The following PDZRN3 variants were observed in gnomAD, a reference collection of about 807,000 sequenced individuals.
PDZRN3 encodes the protein E3 ubiquitin-protein ligase PDZRN3.
Under a neutral mutation model 85.7 loss-of-function variants are expected in PDZRN3, and 38 were observed. The observed-to-expected ratio is 0.44, with a 90% CI of 0.34 to 0.58. The LOEUF (loss-of-function observed/expected upper bound fraction) is 0.58. Ranked by LOEUF, PDZRN3 falls within the 20% of genes least tolerant of loss-of-function variation. The probability of loss-of-function intolerance (pLI) is 0.01; values close to 1 mark genes in which losing one functional copy is unlikely to be tolerated. For synonymous variants in PDZRN3, 759 were observed against 638.0 expected, an observed-to-expected ratio of 1.19 and a Z score of -2.86; for missense variants, 1,629 against 1,506.4, an observed-to-expected ratio of 1.08 and a Z score of -1.35.
intron 3 of PDZRN3, among the ~76,000 whole-genome samples, chr3:73,452,858 TG>T (rs1267971103): frequency 1.6e-4 from 25 of 151,868 alleles, no homozygotes; most frequent in Middle Eastern, 6.8e-3. Flanking sequence ...TGTGTGTGTG[TG>T]TGTGTGTGTG....
chr3:73,576,810 A>G (rs1249380285), intron 3 of PDZRN3, among the ~76,000 whole-genome samples: 1 of 152,184 alleles, frequency 6.6e-6, no homozygotes, highest in African/African-American at 2.4e-5. Flanking sequence ...ATACATTTAG[A>G]GTTATAGACA....
intron 3 of PDZRN3, among the ~76,000 whole-genome samples, chr3:73,555,360 C>G (rs1701670348): frequency 6.6e-6 from 1 of 152,128 alleles, no homozygotes; most frequent in Non-Finnish European, 1.5e-5. Flanking sequence ...AATAAAACAG[C>G]TGCAATGATT....
chr3:73,540,058 G>A (rs1261492768), intron 3 of PDZRN3, among the ~76,000 whole-genome samples: 1 of 119,776 alleles, frequency 8.3e-6, no homozygotes, highest in African/African-American at 3.1e-5. Context: ...AGATAAAAGT[G>A]AGGACAGATG....
chr3:73,387,450 G>C (rs955135325), intron 8 of PDZRN3, among the ~76,000 whole-genome samples: 3 of 152,180 alleles, frequency 2.0e-5, no homozygotes, highest in African/African-American at 4.8e-5. Flanking sequence ...GGTAACTTTT[G>C]AATCTCTGGG....
intron 3 of PDZRN3, among the ~76,000 whole-genome samples, chr3:73,532,751 T>C (rs527380163): frequency 6.6e-6 from 1 of 152,286 alleles, no homozygotes; most frequent in East Asian, 1.9e-4. Context: ...CCTGGGAGAA[T>C]AAGTGAAGAG....
intron 1 of PDZRN3, 103 bp downstream of exon 1, chr3:73,624,000 G>T: frequency 8.7e-7 from 1 of 1,153,778 alleles, no homozygotes; most frequent in Non-Finnish European, 1.1e-6. Context: ...AAGCAAGGAT[G>T]TTCCCGGGAA....
chr3:73,453,901 G>A (rs1037421374), intron 3 of PDZRN3, among the ~76,000 whole-genome samples: 3 of 152,152 alleles, frequency 2.0e-5, no homozygotes, highest in African/African-American at 7.2e-5. Flanking sequence ...ACAGGTCATT[G>A]CAGAGGGGTC....
intron 3 of PDZRN3, among the ~76,000 whole-genome samples, chr3:73,600,337 A>ACACACACTCTCTCTCTCTCTCTCT (rs34405662): frequency 5.0e-5 from 5 of 100,074 alleles, no homozygotes; most frequent in African/African-American, 1.7e-4. Flanking sequence ...ACACACACAC[A>ACACACACTCTCTCTCTCTCTCTCT]CTCTCTCTCT....
At chr3:73,388,404 A>G (rs1388530876) in intron 7 of PDZRN3, among the ~76,000 whole-genome samples, 2 of 152,228 alleles carry the variant, frequency 1.3e-5, no homozygotes, top group Non-Finnish European at 2.9e-5. Context: ...GCAATTAGAC[A>G]TAATATTCAG....
In PDZRN3 at chr3:73,577,569, T is replaced by C. The variant is rs544340221; in HGVS notation, c.918+24785A>G. On this transcript the variant is annotated intron_variant, in intron 3 of 9. Coordinates refer to ENST00000263666, the MANE Select transcript of PDZRN3 (RefSeq NM_015009.3). The stretch of plus-strand genomic sequence containing the variant: ...CTGGCTTCTAGCTGGGACCAGTCAA[T>C]GGGGCACAGCAGAGGAAAACCAAGG... Among the ~76,000 whole-genome samples, 5 of 152,230 alleles carry C rather than the reference T, an allele frequency of 3.3e-5. No homozygotes were observed. The South Asian group carries it at 1.0e-3, about 32-fold the overall frequency.
chr3:73,584,775 A>T (rs752701139), intron 3 of PDZRN3, among the ~76,000 whole-genome samples: 11 of 152,188 alleles, frequency 7.2e-5, no homozygotes, highest in Admixed American at 4.6e-4. Context: ...AAAATGCTAC[A>T]TTAAATGCAC....
chr3:73,472,277 G>A (rs1488042869), intron 3 of PDZRN3, among the ~76,000 whole-genome samples: 2 of 152,174 alleles, frequency 1.3e-5, no homozygotes, highest in East Asian at 3.8e-4. Flanking sequence ...TCATTTGTCA[G>A]GGCTAAATAG....
chr3:73,443,498 T>TTGGG (rs57581231), intron 3 of PDZRN3, among the ~76,000 whole-genome samples: 149 of 128,928 alleles, frequency 1.2e-3, no homozygotes, highest in African/African-American at 5.3e-3. Context: ...TTTTTTTTTT[T>TTGGG]GGGGGGGGGA....
chr3:73,550,176 G>A (rs1435450829), intron 3 of PDZRN3, among the ~76,000 whole-genome samples: 1 of 152,160 alleles, frequency 6.6e-6, no homozygotes, highest in African/African-American at 2.4e-5. Flanking sequence ...TTTCAAAGTG[G>A]GTTCCCAGAA....
chr3:73,566,601 C>T (rs1200935529), intron 3 of PDZRN3, among the ~76,000 whole-genome samples: 1 of 152,082 alleles, frequency 6.6e-6, no homozygotes, highest in African/African-American at 2.4e-5. Flanking sequence ...GCTGCCTTTC[C>T]TTTGATGGTG....
intron 3 of PDZRN3, among the ~76,000 whole-genome samples, chr3:73,483,384 A>G (rs1476539298): frequency 1.3e-5 from 2 of 152,214 alleles, no homozygotes; most frequent in Admixed American, 1.3e-4. Context: ...CTTGTCAACC[A>G]TATCTTCACA....
intron 3 of PDZRN3, among the ~76,000 whole-genome samples, chr3:73,574,924 A>G (rs1702101438): frequency 6.6e-6 from 1 of 152,242 alleles, no homozygotes; most frequent in Non-Finnish European, 1.5e-5. Context: ...GCTGTCAAAT[A>G]TAACCGAGTT....
intron 3 of PDZRN3, among the ~76,000 whole-genome samples, chr3:73,567,154 GAC>G (rs1310235415): frequency 1.3e-5 from 2 of 152,168 alleles, no homozygotes; most frequent in African/African-American, 4.8e-5. Context: ...TCAGCCATAT[GAC>G]ACAATGTAAA....
intron 3 of PDZRN3, among the ~76,000 whole-genome samples, chr3:73,465,758 C>T (rs1166931074): frequency 6.6e-6 from 1 of 152,236 alleles, no homozygotes; most frequent in East Asian, 1.9e-4. Context: ...AATTTATTAT[C>T]TCTACTGCCA....
Sources: gnomAD v4.1 joint callset for allele counts (sites outside exome capture counted in the v4.1 genomes callset) on GRCh38, gnomAD v4.1.1 for gene constraint, MANE v1.5 for transcripts, NCBI Gene and HGNC (gene_info 2026-07-23, HGNC 2026-07-21) for gene names.